The following HACD1 variants were observed in gnomAD, a reference collection of about 807,000 sequenced individuals.
HACD1 encodes 3-hydroxyacyl-CoA dehydratase 1.
HACD1 carries 41 observed loss-of-function variants against 32.0 expected under a neutral mutation model. That is an observed-to-expected ratio of 1.28 (90% CI 1.00 to 1.66). The LOEUF (loss-of-function observed/expected upper bound fraction) is 1.66, where lower values mean the gene tolerates loss of function less well. Among genes scored for constraint, HACD1 ranks in the 40% most tolerant of loss-of-function variants. HACD1 has a pLI of 0.00. For synonymous variants in HACD1, 142 were observed against 139.0 expected (o/e 1.02, Z -0.15); for missense variants, 396 against 380.1 (o/e 1.04, Z -0.35).
At chr10:17,604,389 C>T (rs1470789046) in intron 1 of HACD1, among the ~76,000 whole-genome samples, 1 of 148,178 alleles carries the variant, frequency 6.7e-6, no homozygotes, top group Non-Finnish European at 1.5e-5. Flanking sequence ...GAGGCTGAGG[C>T]AGGAGAATGG....
intron 6 of HACD1, among the ~76,000 whole-genome samples, chr10:17,591,976 A>ATTTTTTTTTGTTTTTTTTTTTTTTTT (rs1833933832): frequency 1.0e-5 from 1 of 96,942 alleles, no homozygotes; most frequent in African/African-American, 4.5e-5. Context: ...CCAGCTACTG[A>ATTTTTTTTTGTTTTTTTTTTTTTTTT]TTTTTTTTTT....
intron 1 of HACD1, among the ~76,000 whole-genome samples, chr10:17,604,265 C>A: frequency 6.6e-6 from 1 of 152,062 alleles, no homozygotes; most frequent in East Asian, 1.9e-4. Flanking sequence ...ACGGGCGGAT[C>A]ACGAGGTCAG....
In HACD1 at chr10:17,590,399, G is replaced by A. The variant is rs782424384; in HGVS notation, c.832C>T (p.Leu278Phe). The A allele has an allele frequency of 4.4e-6, 7 of 1,604,138 alleles. 1 individual carries two copies. In the Admixed American group the frequency reaches 6.8e-5, roughly 15 times the overall value. ...FHMLRQRRKV[L>F]HGEVIVEKDD ...TTTTCTACAATCACCTCTCCATGAA[G>A]CACCTTTCTTCTTTGACGTAACATA... Residue 278 changes from leucine to phenylalanine, a missense_variant, in exon 7 of 7, where the codon CTT becomes TTT. Physicochemically the swap from Leu to Phe is conservative, Grantham distance 22. Coordinates refer to ENST00000361271, the MANE Select transcript of HACD1 (RefSeq NM_014241.4).
chr10:17,595,187 G>A (rs72780766), intron 5 of HACD1, among the ~76,000 whole-genome samples: 7,862 of 152,116 alleles, frequency 0.052, 247 homozygotes, highest in South Asian at 0.072. Flanking sequence ...GTATTGTAAT[G>A]GTAACTTCTT....
chr10:17,601,390 AT>A (rs1834068689), intron 4 of HACD1, among the ~76,000 whole-genome samples: 1 of 152,110 alleles, frequency 6.6e-6, no homozygotes. Flanking sequence ...TAGAGAACGC[AT>A]TCAATAATAT....
intron 1 of HACD1, among the ~76,000 whole-genome samples, chr10:17,609,573 A>G (rs1834200993): frequency 6.6e-6 from 1 of 152,208 alleles, no homozygotes; most frequent in Admixed American, 6.5e-5. Flanking sequence ...TCCCAATGAG[A>G]TAACAGAATG....
chr10:17,600,091 A>C (rs967350921), intron 4 of HACD1, among the ~76,000 whole-genome samples: 2 of 151,952 alleles, frequency 1.3e-5, no homozygotes, highest in African/African-American at 4.8e-5. Flanking sequence ...CAATTATTCA[A>C]CCCTTCTACC....
chr10:17,596,457 AT>A (rs1477077248), intron 5 of HACD1, among the ~76,000 whole-genome samples: 3 of 151,334 alleles, frequency 2.0e-5, no homozygotes, highest in African/African-American at 4.9e-5. Context: ...TTAAGTTGCA[AT>A]TTTTACTTTA....
intron 1 of HACD1, among the ~76,000 whole-genome samples, chr10:17,612,920 CA>C (rs67797913): frequency 0.61 from 76,641 of 125,190 alleles, 21,033 homozygotes; most frequent in African/African-American, 0.71. Context: ...GACTCCGTCT[CA>C]AAAAAAAAAA....
Position 17,603,574 on chromosome 10 carries a change from G to C in HACD1, c.469C>G (p.His157Asp). The change falls in exon 4 of 7, where the codon CAC becomes GAC. Residue 157 changes from histidine to aspartate, a missense_variant. Physicochemically the swap from His to Asp is moderately conservative, Grantham distance 81. Transcript: ENST00000361271. ...SRIFMVWLIT[H>D]SIKPIQNEES... is the part of the protein sequence containing the mutation. ...GTGTCACTTACTGGTTTTATACTGT[G>C]AGTAATGAGCCACACCATAAAGATT... is the stretch of plus-strand genomic sequence containing the variant. The C allele has an allele frequency of 6.2e-7, 1 of 1,610,854 alleles. No individual in the cohort carries two copies. Among genetic ancestry groups the C allele is most frequent in the Non-Finnish European group, 8.5e-7 (1 of 1,177,214 alleles).
chr10:17,615,832 T>G (rs1554817969), intron 1 of HACD1: 1 of 433,082 alleles, frequency 2.3e-6, no homozygotes, highest in Non-Finnish European at 4.7e-6. Flanking sequence ...TGGGGCGTGG[T>G]GGCCCACGCT....
Position 17,617,318 on chromosome 10 carries a change from C to A in HACD1, c.22G>T (p.Ala8Ser). 7.0e-7 allele frequency: 1 copy of A among 1,437,662 alleles called. No individual in the cohort carries two copies. The highest frequency in any genetic ancestry group is 2.7e-5 in the Admixed American group (1 of 37,194). 89.1% of individuals were successfully genotyped at this position (1,437,662 alleles called of 1,614,324 possible). The change falls in exon 1 of 7, where the codon GCG (alanine) becomes TCG (serine). Residue 8 changes from alanine (A) to serine (S), a missense_variant. Ala to Ser is a moderately conservative substitution (Grantham distance 99). Coordinates refer to ENST00000361271, the MANE Select transcript of HACD1 (RefSeq NM_014241.4). The part of the protein sequence containing the change: MGRLTEA[A>S]AAGSGSRAAG... ...GCCCGAGAGCCGCTGCCCGCTGCCG[C>A]CGCTTCCGTCAGGCGCCCCATGTGC...
Position 17,603,973 on chromosome 10 carries a change from A to G in HACD1, c.332T>C (p.Ile111Thr). 1 of 1,612,730 alleles carries G rather than the reference A, an allele frequency of 6.2e-7. No individual in the cohort carries two copies. Among genetic ancestry groups the G allele is most frequent in the Non-Finnish European group, 8.5e-7 (1 of 1,179,502 alleles). The change falls in exon 2 of 7, where the codon ATT becomes ACT. Residue 111 changes from isoleucine (I) to threonine (T), a missense_variant. Transcript: ENST00000361271. ...KGTHRGLYKS[I>T]QKTLKFFQTF... ...CTGGAAAAATTTAAGTGTCTTCTGA[A>G]TACTTTTATATAAACCTCTGTGTGT...
chr10:17,591,976 A>AATTTTTTTTTTTTTTTT (rs1833933560), intron 6 of HACD1, among the ~76,000 whole-genome samples: 4 of 96,942 alleles, frequency 4.1e-5, no homozygotes, highest in African/African-American at 1.8e-4. Context: ...CCAGCTACTG[A>AATTTTTTTTTTTTTTTT]TTTTTTTTTT....
At chr10:17,616,697 G>C (rs1385817370) in intron 1 of HACD1, among the ~76,000 whole-genome samples, 1 of 150,326 alleles carries the variant, frequency 6.7e-6, no homozygotes, top group Non-Finnish European at 1.5e-5. Flanking sequence ...CGAAAACTCT[G>C]CCCAGCGATC....
chr10:17,615,966 T>C, intron 1 of HACD1: 1 of 275,924 alleles, frequency 3.6e-6, no homozygotes. Flanking sequence ...AGTCTCCGTC[T>C]AAAAAATAAA....
chr10:17,593,486 C>T (rs1833955593), intron 6 of HACD1, among the ~76,000 whole-genome samples: 1 of 152,066 alleles, frequency 6.6e-6, no homozygotes. Flanking sequence ...CAGTTAATTT[C>T]TGTATTTTAG....
At chr10:17,609,130 A>G (rs1284690885) in intron 1 of HACD1, among the ~76,000 whole-genome samples, 1 of 151,070 alleles carries the variant, frequency 6.6e-6, no homozygotes, top group African/African-American at 2.4e-5. Flanking sequence ...CAAACAGCCC[A>G]TTAAAGAAAA....
chr10:17,594,011 C>T (rs1469449712), intron 6 of HACD1, among the ~76,000 whole-genome samples, 194 bp downstream of exon 6: 2 of 152,166 alleles, frequency 1.3e-5, no homozygotes, highest in African/African-American at 4.8e-5. Context: ...CCTTTATTCT[C>T]ATAGCTAATG....
Sources: gnomAD v4.1 joint callset for allele counts (sites outside exome capture counted in the v4.1 genomes callset) on GRCh38, gnomAD v4.1.1 for gene constraint, MANE v1.5 for transcripts, NCBI Gene and HGNC (gene_info 2026-07-23, HGNC 2026-07-21) for gene names.